Variants in CELF4 observed in about 807,000 individuals in gnomAD.
CELF4 encodes CUG-BP- and ETR-3-like factor 4.
In CELF4, 18 loss-of-function variants were observed where a neutral mutation model predicts 59.9. That is an observed-to-expected ratio of 0.30 (90% confidence interval 0.21 to 0.45). The LOEUF is 0.45. Ranked by LOEUF, CELF4 falls within the 20% of genes least tolerant of loss-of-function variation. The pLI is 1.00. For synonymous variants in CELF4, 261 were observed against 267.1 expected, an observed-to-expected ratio of 0.98 and a Z score of 0.22; for missense variants, 456 against 689.0, an observed-to-expected ratio of 0.66 and a Z score of 3.79.
intron 2 of CELF4, among the ~76,000 whole-genome samples, chr18:37,464,490 G>A (rs2099802505): frequency 6.6e-6 from 1 of 152,152 alleles, no homozygotes; most frequent in Non-Finnish European, 1.5e-5. Flanking sequence ...TGGGACACTT[G>A]GACCATATGT....
chr18:37,322,670 C>T (rs547405968), intron 2 of CELF4, among the ~76,000 whole-genome samples: 99 of 152,320 alleles, frequency 6.5e-4, no homozygotes, highest in African/African-American at 2.1e-3. Context: ...CAGGGCTCAC[C>T]GGGAGGCACC....
chr18:37,434,432 TG>T (rs1260981547), intron 2 of CELF4, among the ~76,000 whole-genome samples: 5 of 152,202 alleles, frequency 3.3e-5, no homozygotes, highest in African/African-American at 1.2e-4. Context: ...GGTCAGGGGC[TG>T]GTACCAGTCA....
chr18:37,353,756 G>T (rs1412078953), intron 2 of CELF4, among the ~76,000 whole-genome samples: 1 of 139,978 alleles, frequency 7.1e-6, no homozygotes, highest in East Asian at 2.1e-4. Context: ...GGGCGGGGGG[G>T]GCAGTTCTTT....
intron 8 of CELF4, among the ~76,000 whole-genome samples, chr18:37,268,345 C>T (rs1339881872): frequency 6.6e-6 from 1 of 152,222 alleles, no homozygotes; most frequent in Non-Finnish European, 1.5e-5. Context: ...TGCCTTCCCT[C>T]TGCCCCTATC....
intron 2 of CELF4, among the ~76,000 whole-genome samples, chr18:37,328,465 G>A (rs1175354673): frequency 2.6e-5 from 4 of 152,182 alleles, no homozygotes; most frequent in Non-Finnish European, 5.9e-5. Context: ...GGACGTGTTG[G>A]AGCCTGAAGA....
intron 1 of CELF4, among the ~76,000 whole-genome samples, chr18:37,553,842 G>A (rs1230710709): frequency 6.6e-6 from 1 of 152,172 alleles, no homozygotes; most frequent in Admixed American, 6.5e-5. Flanking sequence ...CAGGGCCTGG[G>A]CTGCTGCAGG....
At chr18:37,416,953 G>A (rs2099533933) in intron 2 of CELF4, among the ~76,000 whole-genome samples, 2 of 152,040 alleles carry the variant, frequency 1.3e-5, no homozygotes, top group South Asian at 4.2e-4. Flanking sequence ...AGGAGGAAAG[G>A]AAGGAGGACA....
rs1039381985 is a variant in CELF4, at chr18:37,499,894, G to A, written c.287-14287C>T. On this transcript the variant is annotated intron_variant, in intron 1 of 12. Transcript: ENST00000420428. ...CATCAATGAATGAATGAGTGGAGGA[G>A]TGGGGCATGGGAAGTACACGTCCCT... Among the ~76,000 whole-genome samples, 3 of 152,212 alleles carry A rather than the reference G, an allele frequency of 2.0e-5. No homozygotes were observed. The East Asian group carries it at 5.8e-4, about 29-fold the overall frequency.
intron 2 of CELF4, among the ~76,000 whole-genome samples, chr18:37,394,945 G>GC (rs1776206722): frequency 2.7e-5 from 1 of 36,696 alleles, no homozygotes; most frequent in Non-Finnish European, 5.8e-5. Flanking sequence ...CCCAAGACCC[G>GC]CCCCCCACCC....
chr18:37,398,649 G>T (rs1011042472), intron 2 of CELF4, among the ~76,000 whole-genome samples: 4 of 152,178 alleles, frequency 2.6e-5, no homozygotes, highest in Non-Finnish European at 5.9e-5. Context: ...GAGGCCTGTT[G>T]GTGAAAGGGC....
chr18:37,464,021 C>T (rs972638084), intron 2 of CELF4, among the ~76,000 whole-genome samples: 1 of 152,186 alleles, frequency 6.6e-6, no homozygotes, highest in Non-Finnish European at 1.5e-5. Context: ...CTCCTGACCC[C>T]GAACTCAGGC....
intron 3 of CELF4, among the ~76,000 whole-genome samples, chr18:37,278,165 G>A (rs2093631601): frequency 6.6e-6 from 1 of 151,690 alleles, no homozygotes; most frequent in African/African-American, 2.4e-5. Context: ...TCAGTTAAGC[G>A]CCTCCTTCTA....
intron 10 of CELF4, among the ~76,000 whole-genome samples, chr18:37,263,346 C>G (rs2075852823): frequency 6.6e-6 from 1 of 152,122 alleles, no homozygotes; most frequent in African/African-American, 2.4e-5. Flanking sequence ...TGATGTTGGA[C>G]CAGCAGACTC....
chr18:37,534,984 AG>A (rs1423400275), intron 1 of CELF4, among the ~76,000 whole-genome samples: 1 of 152,198 alleles, frequency 6.6e-6, no homozygotes. Flanking sequence ...CATGTCCCAA[AG>A]GCTTGCGATG....
intron 3 of CELF4, among the ~76,000 whole-genome samples, chr18:37,300,327 C>T (rs1012553162): frequency 2.1e-4 from 32 of 151,990 alleles, no homozygotes; most frequent in African/African-American, 7.3e-4. Flanking sequence ...CAGGCTCAAG[C>T]GATTCTCCTG....
intron 2 of CELF4, among the ~76,000 whole-genome samples, chr18:37,418,114 C>T (rs559620493): frequency 9.2e-5 from 14 of 152,280 alleles, no homozygotes; most frequent in African/African-American, 3.1e-4. Flanking sequence ...ATTGTCTTTC[C>T]TCCCCAGTTC....
intron 3 of CELF4, among the ~76,000 whole-genome samples, chr18:37,316,034 G>A (rs1410040342): frequency 1.3e-5 from 2 of 152,184 alleles, no homozygotes; most frequent in African/African-American, 4.8e-5. Context: ...TGGGAGGAGA[G>A]GAAGTGGTCA....
intron 2 of CELF4, among the ~76,000 whole-genome samples, chr18:37,476,576 C>A (rs1603642138): frequency 6.6e-6 from 1 of 152,332 alleles, no homozygotes; most frequent in African/African-American, 2.4e-5. Flanking sequence ...TATTATCACC[C>A]AGGCTTGCCC....
chr18:37,367,678 G>GA (rs1557367037), intron 2 of CELF4, among the ~76,000 whole-genome samples: 1 of 151,256 alleles, frequency 6.6e-6, no homozygotes, highest in Non-Finnish European at 1.5e-5. Flanking sequence ...GGGAGACTGT[G>GA]TTTTTTTCTT....
Sources: allele counts gnomAD v4.1 joint callset (sites outside exome capture counted in the v4.1 genomes callset), GRCh38; gene constraint gnomAD v4.1.1; transcripts MANE v1.5; gene names NCBI Gene and HGNC (gene_info 2026-07-23, HGNC 2026-07-21).